The following NPAS3 variants were observed in gnomAD, a reference collection of about 807,000 sequenced individuals.
NPAS3 encodes the protein neuronal PAS domain protein 3.
Under a neutral mutation model 73.1 loss-of-function variants are expected in NPAS3, and 14 were observed. That is an observed-to-expected ratio of 0.19 (90% CI 0.13 to 0.30). The LOEUF (loss-of-function observed/expected upper bound fraction) is 0.30, where lower values mean the gene tolerates loss of function less well. NPAS3 is among the 10% of genes least tolerant of loss of function. NPAS3 has a pLI of 1.00. For missense variants in NPAS3, 1,096 were observed against 1,250.0 expected (o/e 0.88, Z 1.86); for synonymous variants, 620 against 541.5 (o/e 1.14, Z -2.01).
intron 2 of NPAS3, among the ~76,000 whole-genome samples, chr14:33,078,532 CA>C (rs200285065): frequency 0.37 from 23,532 of 63,250 alleles, 2,069 homozygotes; most frequent in African/African-American, 0.47. Flanking sequence ...AAAACAAAAC[CA>C]AAAAAAAAAA....
upstream of NPAS3, among the ~76,000 whole-genome samples, chr14:32,936,674 C>T (rs2035704061): frequency 6.6e-6 from 1 of 152,130 alleles, no homozygotes; most frequent in Non-Finnish European, 1.5e-5. Flanking sequence ...CTTGAGCTAA[C>T]TTATACCATA....
chr14:33,504,986 A>C (rs1467569931), intron 4 of NPAS3, among the ~76,000 whole-genome samples: 2 of 152,026 alleles, frequency 1.3e-5, no homozygotes, highest in African/African-American at 4.8e-5. Context: ...ACCGGCCAAT[A>C]ATTTATGTCT....
intron 2 of NPAS3, among the ~76,000 whole-genome samples, chr14:33,070,611 C>T (rs867863459): frequency 1.5e-4 from 23 of 152,266 alleles, no homozygotes; most frequent in African/African-American, 5.1e-4. Context: ...TTGAAAGTAG[C>T]GTACAGTCAG....
chr14:33,340,952 C>T (rs1420864900), intron 3 of NPAS3, among the ~76,000 whole-genome samples: 1 of 152,106 alleles, frequency 6.6e-6, no homozygotes, highest in African/African-American at 2.4e-5. Context: ...CAAACAAACA[C>T]AAAAAAGAAC....
At chr14:33,395,720 G>A (rs991552407) in intron 4 of NPAS3, among the ~76,000 whole-genome samples, 1 of 152,058 alleles carries the variant, frequency 6.6e-6, no homozygotes, top group African/African-American at 2.4e-5. Flanking sequence ...CAGGTCCCCT[G>A]GGGTGGCCTA....
At chr14:33,544,026 G>T (rs2054663276) in intron 4 of NPAS3, among the ~76,000 whole-genome samples, 1 of 145,942 alleles carries the variant, frequency 6.9e-6, no homozygotes, top group Non-Finnish European at 1.5e-5. Flanking sequence ...AGGTGCTGAG[G>T]ATTGAGTGGG....
intron 2 of NPAS3, among the ~76,000 whole-genome samples, chr14:33,099,692 G>A (rs1788252695): frequency 6.6e-6 from 1 of 152,104 alleles, no homozygotes; most frequent in Admixed American, 6.6e-5. Context: ...CTAATCCAAG[G>A]GATAGTTGGG....
intron 3 of NPAS3, among the ~76,000 whole-genome samples, chr14:33,227,108 G>A (rs1181684353): frequency 1.3e-5 from 2 of 152,184 alleles, no homozygotes; most frequent in African/African-American, 2.4e-5. Context: ...TGTTGATGCA[G>A]GTAAGCCTCA....
At chr14:33,603,769 T>A (rs1947082639) in intron 5 of NPAS3, among the ~76,000 whole-genome samples, 1 of 152,178 alleles carries the variant, frequency 6.6e-6, no homozygotes. Context: ...GGAGTGAATA[T>A]ATTGAAATTT....
Position 32,956,696 on chromosome 14 carries a change from T to G in NPAS3, c.50+17330T>G, listed in dbSNP as rs376166009. On this transcript the variant is annotated intron_variant, in intron 1 of 11. Coordinates refer to ENST00000356141, the Ensembl canonical transcript of NPAS3. ...TGCATATTAGCCTTATTCAGACATA[T>G]TGACATATGTCTTGAATACATGTTG... 4.1e-3 allele frequency among the ~76,000 whole-genome samples: 623 copies of G among 152,330 alleles called. 3 individuals carry two copies. The highest frequency in any genetic ancestry group is 0.014 in the African/African-American group (597 of 41,568).
In NPAS3 at chr14:33,210,360, T is replaced by C. The variant is rs567294764; in HGVS notation, c.141-4822T>C. ...TCTTTTTGATAGCAGTAGCACCCCT[T>C]TTTTCAAACTTTTTTGGGGATATAT... On this transcript the variant is annotated intron_variant, in intron 2 of 11. Coordinates refer to ENST00000356141, the Ensembl canonical transcript of NPAS3. Among the ~76,000 whole-genome samples the C allele has an allele frequency of 3.1e-4, 40 of 127,698 alleles. No individual in the cohort carries two copies. In the East Asian group the frequency reaches 3.4e-3, roughly 11 times the overall value. 83.8% of individuals were successfully genotyped at this position (127,698 alleles called of 152,430 possible).
chr14:33,301,569 T>C (rs779029275), intron 3 of NPAS3, among the ~76,000 whole-genome samples: 1 of 151,960 alleles, frequency 6.6e-6, no homozygotes, highest in Non-Finnish European at 1.5e-5. Flanking sequence ...TGGGTACTCT[T>C]GGCGAACTGG....
At chr14:33,683,427 C>CAAAAAAAAAAAAAA (rs1176606241) in intron 6 of NPAS3, among the ~76,000 whole-genome samples, 1 of 77,522 alleles carries the variant, frequency 1.3e-5, no homozygotes, top group East Asian at 4.5e-4. Context: ...TTCCTCATTT[C>CAAAAAAAAAAAAAA]AAAAAAAAAA....
intron 4 of NPAS3, among the ~76,000 whole-genome samples, chr14:33,511,225 T>A (rs2053036275): frequency 6.6e-6 from 1 of 152,204 alleles, no homozygotes; most frequent in African/African-American, 2.4e-5. Flanking sequence ...CAGAAACGCA[T>A]CAGACTCTTC....
chr14:33,403,549 T>C, intron 4 of NPAS3, among the ~76,000 whole-genome samples: 1 of 152,116 alleles, frequency 6.6e-6, no homozygotes, highest in East Asian at 1.9e-4. Context: ...AGCCACATAG[T>C]TTACATGTGG....
chr14:33,326,385 G>A (rs80221072), intron 3 of NPAS3, among the ~76,000 whole-genome samples: 8,212 of 152,110 alleles, frequency 0.054, 584 homozygotes, highest in East Asian at 0.19. Flanking sequence ...CAAAAGCATC[G>A]TATTTGGAGT....
chr14:33,038,386 T>A (rs2040238931), intron 1 of NPAS3, among the ~76,000 whole-genome samples: 1 of 152,154 alleles, frequency 6.6e-6, no homozygotes, highest in Non-Finnish European at 1.5e-5. Flanking sequence ...AGAATGTTCC[T>A]GTGCTATTTC....
chr14:33,583,705 G>C (rs532025417), intron 5 of NPAS3, among the ~76,000 whole-genome samples: 10 of 152,190 alleles, frequency 6.6e-5, no homozygotes, highest in Non-Finnish European at 1.0e-4. Flanking sequence ...ATTTTAAAGA[G>C]ACTATAGACA....
intron 1 of NPAS3, among the ~76,000 whole-genome samples, chr14:32,993,772 G>A (rs1230684065): frequency 6.6e-6 from 1 of 152,056 alleles, no homozygotes; most frequent in Non-Finnish European, 1.5e-5. Flanking sequence ...TGAAGGTGAA[G>A]TTAGTTTAAG....
Sources: gnomAD v4.1 joint callset for allele counts (sites outside exome capture counted in the v4.1 genomes callset) on GRCh38, gnomAD v4.1.1 for gene constraint, MANE v1.5 for transcripts, NCBI Gene and HGNC (gene_info 2026-07-23, HGNC 2026-07-21) for gene names.